The following RARB variants were observed in gnomAD, a reference collection of about 807,000 sequenced individuals.
The protein encoded by RARB is retinoic acid receptor beta, also known as HBV-activated protein.
RARB carries 17 observed loss-of-function variants against 51.9 expected under a neutral mutation model. The ratio of observed to expected loss-of-function variants is 0.33; its 90% CI spans 0.22 to 0.49. The LOEUF is 0.49. RARB is among the 20% of genes least tolerant of loss of function. The probability of loss-of-function intolerance (pLI) is 0.99; values close to 1 mark genes in which losing one functional copy is unlikely to be tolerated. For missense variants in RARB, 369 were observed against 550.8 expected (o/e 0.67, Z 3.30); for synonymous variants, 215 against 195.4 (o/e 1.10, Z -0.84).
At chr3:25,031,351 G>C (rs931111200) in intron 2 of RARB, among the ~76,000 whole-genome samples, 5 of 152,120 alleles carry the variant, frequency 3.3e-5, no homozygotes, top group African/African-American at 1.2e-4. Context: ...CAGAAACATA[G>C]AGCAGGTCCC....
At chr3:24,931,514 C>T (rs1035573829) in intron 2 of RARB, among the ~76,000 whole-genome samples, 2 of 151,958 alleles carry the variant, frequency 1.3e-5, no homozygotes, top group African/African-American at 4.8e-5. Flanking sequence ...TGGCCAAGTT[C>T]TGTAGATTCA....
intron 5 of RARB, among the ~76,000 whole-genome samples, chr3:25,185,785 T>C (rs1005002233): frequency 3.9e-5 from 6 of 152,174 alleles, no homozygotes; most frequent in Non-Finnish European, 7.4e-5. Flanking sequence ...TTTTCTTCTA[T>C]AAGAAATCTT....
chr3:24,949,333 A>C, intron 2 of RARB, among the ~76,000 whole-genome samples: 1 of 152,232 alleles, frequency 6.6e-6, no homozygotes, highest in South Asian at 2.1e-4. Context: ...CCTCTGAGAC[A>C]GGAAAAAATA....
intron 5 of RARB, among the ~76,000 whole-genome samples, chr3:25,314,783 T>C (rs1458459035): frequency 1.3e-5 from 2 of 152,218 alleles, no homozygotes; most frequent in Non-Finnish European, 2.9e-5. Flanking sequence ...TGGGGTATAA[T>C]TGATCCTATC....
At chr3:25,593,360 A>G in intron 5 of RARB, 143 bp from the exon 6 acceptor site, 1 of 742,574 alleles carries the variant, frequency 1.3e-6, no homozygotes, top group Middle Eastern at 2.9e-4. Flanking sequence ...TGAAAGAGCT[A>G]AAGAAGACAT....
At chr3:25,362,418 G>T (rs967613266) in intron 5 of RARB, among the ~76,000 whole-genome samples, 1 of 152,198 alleles carries the variant, frequency 6.6e-6, no homozygotes, top group Non-Finnish European at 1.5e-5. Context: ...ATTTTAGCTT[G>T]CTGGGCTCCA....
intron 1 of RARB, among the ~76,000 whole-genome samples, chr3:25,434,686 C>T (rs752009182): frequency 3.2e-4 from 48 of 151,786 alleles, no homozygotes; most frequent in Non-Finnish European, 6.0e-4. Context: ...GGACTACAGG[C>T]GTGTGCCACC....
chr3:25,501,975 T>G (rs1575465512), intron 3 of RARB, among the ~76,000 whole-genome samples: 1 of 152,246 alleles, frequency 6.6e-6, no homozygotes. Flanking sequence ...ATGTGTACAC[T>G]GCAACAAATT....
chr3:25,360,590 T>C (rs1411979954), intron 5 of RARB, among the ~76,000 whole-genome samples: 1 of 152,282 alleles, frequency 6.6e-6, no homozygotes, highest in South Asian at 2.1e-4. Flanking sequence ...TACATTTTGG[T>C]TTGTTTTTGC....
At chr3:25,032,462 C>T (rs1697895419) in intron 2 of RARB, among the ~76,000 whole-genome samples, 1 of 152,106 alleles carries the variant, frequency 6.6e-6, no homozygotes, top group African/African-American at 2.4e-5. Flanking sequence ...TTAATTCCAC[C>T]CCAGAATGAG....
chr3:25,012,466 CTG>C (rs1301098382), intron 2 of RARB, among the ~76,000 whole-genome samples: 3 of 152,092 alleles, frequency 2.0e-5, no homozygotes, highest in Non-Finnish European at 4.4e-5. Flanking sequence ...GTTCAGAAAA[CTG>C]TACTAGAAGC....
At chr3:24,985,493 C>G (rs1055240991) in intron 2 of RARB, among the ~76,000 whole-genome samples, 11 of 151,968 alleles carry the variant, frequency 7.2e-5, no homozygotes, top group African/African-American at 2.7e-4. Flanking sequence ...TAATTGGTAA[C>G]TTTGCACAAA....
chr3:24,927,822 AG>A (rs1695353690), intron 2 of RARB, among the ~76,000 whole-genome samples: 1 of 152,090 alleles, frequency 6.6e-6, no homozygotes. Flanking sequence ...AGTAGGTGCT[AG>A]AAATTTTTCA....
At chr3:25,521,269 T>C (rs1302374025) in intron 3 of RARB, among the ~76,000 whole-genome samples, 1 of 152,208 alleles carries the variant, frequency 6.6e-6, no homozygotes. Context: ...TACTTAGCTT[T>C]CAAACTTTGC....
At chr3:25,143,589 G>A (rs1189741079) in intron 4 of RARB, among the ~76,000 whole-genome samples, 1 of 152,112 alleles carries the variant, frequency 6.6e-6, no homozygotes, top group Non-Finnish European at 1.5e-5. Context: ...ATTCAGAGAT[G>A]CCCACACGGT....
intron 3 of RARB, among the ~76,000 whole-genome samples, chr3:25,537,628 GT>G (rs1699195605): frequency 6.6e-6 from 1 of 152,108 alleles, no homozygotes; most frequent in Non-Finnish European, 1.5e-5. Context: ...GGGTTTTAGT[GT>G]GTATTTCTGC....
chr3:24,953,816 C>A (rs1367234169), intron 2 of RARB, among the ~76,000 whole-genome samples: 2 of 152,120 alleles, frequency 1.3e-5, no homozygotes, highest in African/African-American at 4.8e-5. Context: ...TGTGCCGTGC[C>A]CATTCAACTC....
chr3:25,423,686 A>G (rs144879794), upstream of RARB, among the ~76,000 whole-genome samples: 533 of 152,332 alleles, frequency 3.5e-3, no homozygotes, highest in Non-Finnish European at 6.0e-3. Flanking sequence ...TTAAATCTAG[A>G]TTTATAGGGA....
chr3:25,306,283 T>A (rs368933903), intron 5 of RARB, among the ~76,000 whole-genome samples: 1 of 152,156 alleles, frequency 6.6e-6, no homozygotes, highest in Admixed American at 6.5e-5. Flanking sequence ...ATAGGAGTTA[T>A]TGGGTAATCA....
Sources: allele counts gnomAD v4.1 joint callset (sites outside exome capture counted in the v4.1 genomes callset), GRCh38; gene constraint gnomAD v4.1.1; transcripts MANE v1.5; gene names NCBI Gene and HGNC (gene_info 2026-07-23, HGNC 2026-07-21).